Variants in CLIC5 observed in about 807,000 individuals in gnomAD.
CLIC5 encodes the protein chloride intracellular channel protein 5.
A neutral mutation model predicts 24.7 loss-of-function variants in CLIC5; 20 were observed. The ratio of observed to expected loss-of-function variants is 0.81; its 90% CI spans 0.57 to 1.18. The LOEUF is 1.18. Ranked by LOEUF, CLIC5 falls within the 50% of genes most tolerant of loss-of-function variation. CLIC5 has a pLI of 0.00. For missense variants in CLIC5, 341 were observed against 326.1 expected (o/e 1.05, Z -0.35); for synonymous variants, 159 against 135.6 (o/e 1.17, Z -1.20).
Position 46,032,469 on chromosome 6 carries a change from A to T in CLIC5, c.540+47234T>A, listed in dbSNP as rs1455717052. On this transcript the variant is annotated intron_variant, in intron 1 of 5. Coordinates refer to the CLIC5 transcript ENST00000185206. ...CTTTTACTTTATGCATTTTTATATC[A>T]TCTGACTTTCTCCTTTTTTCACAAG... Among the ~76,000 whole-genome samples, 8 of 152,312 alleles carry T rather than the reference A, an allele frequency of 5.3e-5. No individual in the cohort carries two copies. In the East Asian group the frequency reaches 1.5e-3, roughly 29 times the overall value.
At chr6:45,885,083 A>C (rs896584824) in intron 6 of CLIC5, among the ~76,000 whole-genome samples, 2 of 151,962 alleles carry the variant, frequency 1.3e-5, no homozygotes, top group African/African-American at 4.8e-5. Context: ...CTAATCCAAA[A>C]ATTACCCTCC....
intron 4 of CLIC5, among the ~76,000 whole-genome samples, chr6:45,938,671 C>T (rs1441880932): frequency 6.6e-6 from 1 of 152,170 alleles, no homozygotes; most frequent in Middle Eastern, 3.4e-3. Context: ...AATGGATATG[C>T]GGCATTTGGT....
chr6:46,052,654 G>C (rs1768136860), intron 1 of CLIC5, among the ~76,000 whole-genome samples: 2 of 152,246 alleles, frequency 1.3e-5, no homozygotes, highest in East Asian at 1.9e-4. Context: ...TCCATTGGAG[G>C]GAGTCAGTGA....
At position 45,931,752 on chromosome 6, in the gene CLIC5, G is replaced by A. The variant is rs140623571; in HGVS notation, c.406+9795C>T. ...TGGCTCACTGCGACCTCTGCCTCCC[G>A]GGTTTAAGTGGTTCTCCTGCCTCAG... is the stretch of plus-strand genomic sequence containing the variant. On this transcript the variant is annotated intron_variant, in intron 4 of 5. Coordinates refer to ENST00000339561, the MANE Select transcript of CLIC5 (RefSeq NM_016929.5). 5.3e-5 allele frequency among the ~76,000 whole-genome samples: 8 copies of A among 152,166 alleles called. 1 individual carries two copies. In the East Asian group the frequency reaches 5.8e-4, roughly 11 times the overall value.
intron 4 of CLIC5, among the ~76,000 whole-genome samples, chr6:45,918,288 C>T (rs1217337909): frequency 2.6e-5 from 4 of 152,028 alleles, no homozygotes; most frequent in Non-Finnish European, 5.9e-5. Flanking sequence ...GTTTTCTCGT[C>T]GTAGAGAAAT....
chr6:46,110,697 G>C, the CLIC5 span, among the ~76,000 whole-genome samples: 1 of 152,192 alleles, frequency 6.6e-6, no homozygotes, highest in Non-Finnish European at 1.5e-5. Flanking sequence ...GATCTTGTGG[G>C]ACCTCAAGAA....
intron 1 of CLIC5, among the ~76,000 whole-genome samples, chr6:46,009,594 T>C (rs552644915): frequency 1.3e-5 from 2 of 152,186 alleles, no homozygotes; most frequent in Admixed American, 6.5e-5. Context: ...AGTTTTTTAA[T>C]AGATACCAGA....
intron 1 of CLIC5, among the ~76,000 whole-genome samples, chr6:46,040,273 T>G (rs967769422): frequency 2.0e-5 from 3 of 152,064 alleles, no homozygotes; most frequent in Admixed American, 1.3e-4. Flanking sequence ...GTTGGTGGTG[T>G]TGTTGAAGAC....
At chr6:45,889,110 G>A (rs1762328489) in intron 6 of CLIC5, among the ~76,000 whole-genome samples, 4 of 152,124 alleles carry the variant, frequency 2.6e-5, no homozygotes, top group Admixed American at 2.0e-4. Context: ...ATAACAAAAT[G>A]TCATCAGCTG....
chr6:45,976,069 A>G (rs1338674901), intron 1 of CLIC5, among the ~76,000 whole-genome samples: 2 of 152,156 alleles, frequency 1.3e-5, no homozygotes, highest in Admixed American at 6.5e-5. Context: ...TTCTCTGCCT[A>G]TCACAAAGAG....
chr6:46,064,618 T>C (rs1762390896), intron 1 of CLIC5, among the ~76,000 whole-genome samples: 1 of 152,128 alleles, frequency 6.6e-6, no homozygotes, highest in Non-Finnish European at 1.5e-5. Context: ...AAGTCAAATT[T>C]AGAAGTCTAT....
chr6:46,094,175 G>A, the CLIC5 span, among the ~76,000 whole-genome samples: 1 of 152,192 alleles, frequency 6.6e-6, no homozygotes, highest in African/African-American at 2.4e-5. Context: ...TCTTCCACCA[G>A]GCCCCATCAC....
intron 1 of CLIC5, among the ~76,000 whole-genome samples, chr6:45,996,256 A>G (rs1293365502): frequency 2.0e-5 from 3 of 152,190 alleles, no homozygotes; most frequent in African/African-American, 7.2e-5. Flanking sequence ...GCCCTTTGTC[A>G]GATGAGTAGG....
chr6:46,085,675 T>C, the CLIC5 span, among the ~76,000 whole-genome samples: 1 of 152,240 alleles, frequency 6.6e-6, no homozygotes, highest in Non-Finnish European at 1.5e-5. Flanking sequence ...GAGGTGTCAG[T>C]CTGCCCCTAC....
chr6:45,960,615 C>T (rs535583290), intron 1 of CLIC5, among the ~76,000 whole-genome samples: 12 of 152,190 alleles, frequency 7.9e-5, no homozygotes, highest in Non-Finnish European at 1.0e-4. Flanking sequence ...ATAACCTTCC[C>T]AGCACTCTTG....
chr6:46,047,812 A>G (rs529669241), intron 1 of CLIC5, among the ~76,000 whole-genome samples: 1 of 147,326 alleles, frequency 6.8e-6, no homozygotes, highest in South Asian at 2.2e-4. Context: ...TGGCAAATGA[A>G]GAGGCATTCA....
At chr6:45,957,628 A>C (rs562821527) in intron 1 of CLIC5, among the ~76,000 whole-genome samples, 1 of 152,224 alleles carries the variant, frequency 6.6e-6, no homozygotes, top group African/African-American at 2.4e-5. Flanking sequence ...GGCTCCCTAC[A>C]TTTTCATTAT....
intron 4 of CLIC5, among the ~76,000 whole-genome samples, chr6:45,919,478 C>A (rs1241421439): frequency 2.0e-5 from 3 of 152,102 alleles, no homozygotes. Flanking sequence ...TGCTCTAGTT[C>A]CCTGACCCTC....
intron 1 of CLIC5, among the ~76,000 whole-genome samples, chr6:46,031,774 G>C (rs1279533657): frequency 6.6e-6 from 1 of 151,218 alleles, no homozygotes; most frequent in Non-Finnish European, 1.5e-5. Flanking sequence ...GACATGAAAA[G>C]AAGCCCTTGA....
Sources: allele counts gnomAD v4.1 joint callset (sites outside exome capture counted in the v4.1 genomes callset), GRCh38; gene constraint gnomAD v4.1.1; transcripts MANE v1.5; gene names NCBI Gene and HGNC (gene_info 2026-07-23, HGNC 2026-07-21).